Variants in PRKN observed in about 807,000 individuals in gnomAD.
PRKN encodes parkin RBR E3 ubiquitin protein ligase.
Under a neutral mutation model 59.5 loss-of-function variants are expected in PRKN, and 56 were observed. That is an observed-to-expected ratio of 0.94 (90% CI 0.76 to 1.18). The LOEUF is 1.18. Among genes scored for constraint, PRKN ranks in the 50% most tolerant of loss-of-function variants. PRKN has a pLI of 0.00. For missense variants in PRKN, 657 were observed against 596.4 expected, an observed-to-expected ratio of 1.10 and a Z score of -1.06; for synonymous variants, 250 against 222.1, an observed-to-expected ratio of 1.13 and a Z score of -1.12.
At chr6:162,258,094 GAGGGTGCCCTCCTCAC>G (rs1463986634) in intron 3 of PRKN, among the ~76,000 whole-genome samples, 1 of 152,140 alleles carries the variant, frequency 6.6e-6, no homozygotes, top group Non-Finnish European at 1.5e-5. Flanking sequence ...GATGCTCCCT[GAGGGTGCCCTCCTCAC>G]AGTTTAGCTC....
chr6:161,948,628 G>A (rs1784604), intron 6 of PRKN, among the ~76,000 whole-genome samples: 36,729 of 152,090 alleles, frequency 0.24, 5,134 homozygotes, highest in East Asian at 0.31. Context: ...AGAGACCTGA[G>A]ACCTGGACAG....
intron 1 of PRKN, among the ~76,000 whole-genome samples, chr6:162,634,900 T>C (rs976261908): frequency 2.2e-4 from 34 of 152,156 alleles, no homozygotes; most frequent in African/African-American, 7.5e-4. Context: ...GGGAGACATA[T>C]CTTTATTTAA....
chr6:162,590,467 G>T lies in PRKN; in HGVS notation c.7+137195C>A, dbSNP rs187338043. Among the ~76,000 whole-genome samples, 415 of 152,220 alleles carry T rather than the reference G, an allele frequency of 2.7e-3. 3 individuals are homozygous for T. Among genetic ancestry groups the T allele is most frequent in the African/African-American group, 7.7e-3 (318 of 41,542 alleles). ...CATCTTTCTTTTTTTTATTAAGATAGTGAACCAATAAAGCAGAAAACAAGT... is the reference window on the plus strand; with the variant it reads ...CATCTTTCTTTTTTTTATTAAGATATTGAACCAATAAAGCAGAAAACAAGT... On this transcript the variant is annotated intron_variant, in intron 1 of 11. Coordinates refer to ENST00000366898, the MANE Select transcript of PRKN (RefSeq NM_004562.3).
At chr6:161,570,749 G>A (rs762149800) in intron 7 of PRKN, among the ~76,000 whole-genome samples, 4 of 152,142 alleles carry the variant, frequency 2.6e-5, no homozygotes, top group Non-Finnish European at 5.9e-5. Flanking sequence ...TAGTAGTTAA[G>A]TTTTGGGTGA....
intron 1 of PRKN, among the ~76,000 whole-genome samples, chr6:162,566,243 C>G (rs1422271366): frequency 6.6e-6 from 1 of 151,796 alleles, no homozygotes; most frequent in Non-Finnish European, 1.5e-5. Context: ...AAATCAGCAG[C>G]ATTTCTATAT....
intron 5 of PRKN, among the ~76,000 whole-genome samples, chr6:162,042,734 T>A (rs796600494): frequency 1.2e-4 from 18 of 152,330 alleles, no homozygotes; most frequent in African/African-American, 4.1e-4. Context: ...CTAAAGTGTC[T>A]TCATATATTG....
At chr6:162,602,597 G>T (rs1781755420) in intron 1 of PRKN, among the ~76,000 whole-genome samples, 1 of 152,162 alleles carries the variant, frequency 6.6e-6, no homozygotes, top group Non-Finnish European at 1.5e-5. Context: ...AAGACACAAA[G>T]ACACATTAAG....
intron 1 of PRKN, among the ~76,000 whole-genome samples, chr6:162,591,094 G>A (rs1400214327): frequency 6.6e-6 from 1 of 152,080 alleles, no homozygotes; most frequent in East Asian, 1.9e-4. Context: ...GATGCATCAG[G>A]CTGAGATTAG....
chr6:162,599,390 T>C (rs1218489764), intron 1 of PRKN, among the ~76,000 whole-genome samples: 1 of 152,090 alleles, frequency 6.6e-6, no homozygotes, highest in Non-Finnish European at 1.5e-5. Context: ...ACAGGTTGAA[T>C]TTGCGTGTCT....
At chr6:162,451,784 A>C (rs1790638963) in intron 1 of PRKN, among the ~76,000 whole-genome samples, 1 of 150,626 alleles carries the variant, frequency 6.6e-6, no homozygotes, top group South Asian at 2.1e-4. Flanking sequence ...TTGGAGTCAC[A>C]AAGAAAAAAT....
chr6:162,671,002 C>G (rs1188161600), intron 1 of PRKN, among the ~76,000 whole-genome samples: 1 of 152,086 alleles, frequency 6.6e-6, no homozygotes, highest in Non-Finnish European at 1.5e-5. Flanking sequence ...TATATACACT[C>G]TGGAATATAT....
intron 6 of PRKN, among the ~76,000 whole-genome samples, chr6:161,928,645 G>A (rs938381882): frequency 6.6e-6 from 1 of 152,154 alleles, no homozygotes; most frequent in African/African-American, 2.4e-5. Context: ...AGACGCCATA[G>A]TATAGTATCT....
chr6:161,680,767 A>AT (rs1562604052), intron 7 of PRKN, among the ~76,000 whole-genome samples: 9 of 12,238 alleles, frequency 7.4e-4, no homozygotes, highest in Middle Eastern at 0.071. Flanking sequence ...ATATATATAT[A>AT]TATATATATT....
At chr6:162,192,509 G>A (rs1481811479) in intron 4 of PRKN, among the ~76,000 whole-genome samples, 1 of 137,362 alleles carries the variant, frequency 7.3e-6, no homozygotes, top group African/African-American at 2.8e-5. Context: ...CTGGAATGTG[G>A]TGGCATGATC....
chr6:162,311,637 CATGCCCAGCTAATTTTT>C (rs1782523857), intron 2 of PRKN, among the ~76,000 whole-genome samples: 2 of 151,928 alleles, frequency 1.3e-5, no homozygotes, highest in African/African-American at 2.4e-5. Context: ...TGCGTACCAC[CATGCCCAGCTAATTTTT>C]TGTATTTTTA....
chr6:162,219,731 C>T (rs192190385), intron 3 of PRKN, among the ~76,000 whole-genome samples: 13 of 152,022 alleles, frequency 8.6e-5, no homozygotes, highest in East Asian at 3.9e-4. Flanking sequence ...TTTGATTCTT[C>T]GGTCCATGAG....
intron 2 of PRKN, among the ~76,000 whole-genome samples, chr6:162,374,788 C>G (rs1477888939): frequency 6.6e-6 from 1 of 151,794 alleles, no homozygotes; most frequent in Non-Finnish European, 1.5e-5. Flanking sequence ...TTTGGGGAGG[C>G]TACTATTATG....
intron 2 of PRKN, among the ~76,000 whole-genome samples, chr6:162,349,761 T>C (rs927187824): frequency 6.6e-6 from 1 of 152,190 alleles, no homozygotes; most frequent in Non-Finnish European, 1.5e-5. Flanking sequence ...GGTAAAAGAC[T>C]GAAGGCTTTC....
At chr6:162,495,025 T>G (rs982557818) in intron 1 of PRKN, among the ~76,000 whole-genome samples, 10 of 152,218 alleles carry the variant, frequency 6.6e-5, no homozygotes, top group Non-Finnish European at 1.0e-4. Flanking sequence ...TCACTGTCAC[T>G]GAAGGAAAAC....
Sources: allele counts gnomAD v4.1 joint callset (sites outside exome capture counted in the v4.1 genomes callset), GRCh38; gene constraint gnomAD v4.1.1; transcripts MANE v1.5; gene names NCBI Gene and HGNC (gene_info 2026-07-23, HGNC 2026-07-21).